The following KCND3 variants were observed in gnomAD, a reference collection of about 807,000 sequenced individuals.
The protein encoded by KCND3 is potassium voltage-gated channel subfamily D member 3, also known as A-type voltage-gated potassium channel KCND3.
In KCND3, 9 loss-of-function variants were observed where a neutral mutation model predicts 51.1. The observed-to-expected ratio is 0.18, with a 90% CI of 0.11 to 0.31. KCND3 has a LOEUF of 0.31. Ranked by LOEUF, KCND3 falls within the 10% of genes least tolerant of loss-of-function variation. The probability of loss-of-function intolerance (pLI) is 1.00; values close to 1 mark genes in which losing one functional copy is unlikely to be tolerated. For missense variants in KCND3, 526 were observed against 903.8 expected, an observed-to-expected ratio of 0.58 and a Z score of 5.36; for synonymous variants, 349 against 368.0, an observed-to-expected ratio of 0.95 and a Z score of 0.59.
At chr1:111,886,877 G>A (rs1034149588) in intron 2 of KCND3, among the ~76,000 whole-genome samples, 2 of 152,224 alleles carry the variant, frequency 1.3e-5, no homozygotes, top group Non-Finnish European at 2.9e-5. Context: ...TGAAGGCAGT[G>A]AGCACTGTAT....
intron 2 of KCND3, among the ~76,000 whole-genome samples, chr1:111,924,816 T>A (rs1237290929): frequency 6.6e-6 from 1 of 152,226 alleles, no homozygotes; most frequent in African/African-American, 2.4e-5. Context: ...TGCTTCTGGC[T>A]ATGACCCTGA....
chr1:111,785,588 G>A (rs1249137512), intron 3 of KCND3, among the ~76,000 whole-genome samples: 9 of 152,162 alleles, frequency 5.9e-5, no homozygotes, highest in African/African-American at 2.2e-4. Flanking sequence ...CACAGAAGGT[G>A]ATAGGCTGGA....
At chr1:111,778,062 G>T (rs1390762664) in intron 6 of KCND3, among the ~76,000 whole-genome samples, 1 of 152,236 alleles carries the variant, frequency 6.6e-6, no homozygotes, top group Non-Finnish European at 1.5e-5. Flanking sequence ...AGTCTGAAGA[G>T]AAGTGGCATG....
intron 2 of KCND3, among the ~76,000 whole-genome samples, chr1:111,858,892 T>C (rs1450327304): frequency 6.6e-6 from 1 of 152,230 alleles, no homozygotes; most frequent in Non-Finnish European, 1.5e-5. Context: ...CTCAGGGCCT[T>C]TGCACTTATC....
In KCND3 at chr1:111,943,375, T is replaced by G. The variant is rs1426798675; in HGVS notation, c.1106+38246A>C. 3.3e-5 allele frequency among the ~76,000 whole-genome samples: 5 copies of G among 151,572 alleles called. No individual in the cohort carries two copies. The East Asian group carries it at 9.7e-4, about 29-fold the overall frequency. On this transcript the variant is annotated intron_variant, in intron 2 of 7. Transcript: ENST00000302127. ...GCCCCAGCATCTCCTCAGAGCACTG[T>G]TTCACTCTCCCCTGCCCACTGGACT...
intron 2 of KCND3, among the ~76,000 whole-genome samples, chr1:111,855,247 T>C (rs774101104): frequency 2.0e-5 from 3 of 152,146 alleles, no homozygotes; most frequent in Non-Finnish European, 2.9e-5. Flanking sequence ...CCCCAGAATG[T>C]CCAGTTGGGC....
At chr1:111,947,751 T>C (rs1254181861) in intron 2 of KCND3, among the ~76,000 whole-genome samples, 1 of 152,222 alleles carries the variant, frequency 6.6e-6, no homozygotes, top group African/African-American at 2.4e-5. Context: ...GGTATTCTCA[T>C]AATGGCTAAA....
chr1:111,813,769 C>G (rs919382016), intron 2 of KCND3, among the ~76,000 whole-genome samples: 1 of 152,356 alleles, frequency 6.6e-6, no homozygotes, highest in Non-Finnish European at 1.5e-5. Flanking sequence ...CTGGTGGCTG[C>G]CCTTAATTCC....
chr1:111,898,382 C>T (rs1202428379), intron 2 of KCND3, among the ~76,000 whole-genome samples: 3 of 152,126 alleles, frequency 2.0e-5, no homozygotes, highest in African/African-American at 4.8e-5. Context: ...CCTGTACCTC[C>T]ACATGCCTGG....
chr1:111,915,305 CA>C (rs938351403), intron 2 of KCND3, among the ~76,000 whole-genome samples: 2 of 150,948 alleles, frequency 1.3e-5, no homozygotes, highest in Non-Finnish European at 3.0e-5. Flanking sequence ...CTAAAAACTT[CA>C]ATTAAAAAGC....
intron 2 of KCND3, among the ~76,000 whole-genome samples, chr1:111,950,428 T>TA (rs1239360997): frequency 6.6e-6 from 1 of 152,220 alleles, no homozygotes; most frequent in Non-Finnish European, 1.5e-5. Context: ...TGCAAGACTT[T>TA]ATCCCCCTCA....
intron 2 of KCND3, among the ~76,000 whole-genome samples, chr1:111,935,826 C>T (rs75644061): frequency 0.013 from 1,940 of 152,328 alleles, 37 homozygotes; most frequent in African/African-American, 0.042. Context: ...TCAAGAGCAT[C>T]CTCCTGGAAT....
intron 2 of KCND3, among the ~76,000 whole-genome samples, chr1:111,842,469 C>T (rs78199612): frequency 0.011 from 1,713 of 152,292 alleles, 24 homozygotes; most frequent in Non-Finnish European, 0.018. Context: ...AGAGGAAATG[C>T]CACTGAGAGA....
intron 2 of KCND3, among the ~76,000 whole-genome samples, chr1:111,907,459 A>G (rs763595852): frequency 6.6e-5 from 10 of 152,166 alleles, no homozygotes; most frequent in Non-Finnish European, 1.0e-4. Context: ...CTGTCATGAC[A>G]AGAGGTAGGC....
intron 2 of KCND3, among the ~76,000 whole-genome samples, chr1:111,915,751 T>TAA (rs80122901): frequency 1.8e-4 from 12 of 65,012 alleles, no homozygotes; most frequent in Non-Finnish European, 2.8e-4. Flanking sequence ...AGACTCTGTC[T>TAA]CAAAAAAAAA....
At chr1:111,819,814 C>T (rs947201141) in intron 2 of KCND3, among the ~76,000 whole-genome samples, 9 of 152,166 alleles carry the variant, frequency 5.9e-5, no homozygotes, top group Non-Finnish European at 1.0e-4. Flanking sequence ...ACTGTAATCA[C>T]GGAGGGTATA....
intron 3 of KCND3, among the ~76,000 whole-genome samples, chr1:111,785,195 G>A (rs867587003): frequency 5.9e-5 from 9 of 152,322 alleles, no homozygotes; most frequent in South Asian, 2.1e-4. Context: ...AACCTCACCT[G>A]CTCTGCCAGA....
At chr1:111,852,007 G>T (rs1667839818) in intron 2 of KCND3, among the ~76,000 whole-genome samples, 1 of 152,218 alleles carries the variant, frequency 6.6e-6, no homozygotes, top group African/African-American at 2.4e-5. Context: ...CTCTACAGCT[G>T]CCACTGTCTG....
At chr1:111,939,583 C>T (rs1230444730) in intron 2 of KCND3, among the ~76,000 whole-genome samples, 2 of 152,170 alleles carry the variant, frequency 1.3e-5, no homozygotes, top group African/African-American at 4.8e-5. Context: ...GCATAGTATT[C>T]CATGGTGTAT....
Sources: gnomAD v4.1 joint callset for allele counts (sites outside exome capture counted in the v4.1 genomes callset) on GRCh38, gnomAD v4.1.1 for gene constraint, MANE v1.5 for transcripts, NCBI Gene and HGNC (gene_info 2026-07-23, HGNC 2026-07-21) for gene names.